Variants in NAALADL2 observed in about 807,000 individuals in gnomAD.
NAALADL2 encodes inactive N-acetylated-alpha-linked acidic dipeptidase-like protein 2.
NAALADL2 carries 76 observed loss-of-function variants against 87.2 expected under a neutral mutation model. The observed-to-expected ratio is 0.87, with a 90% CI of 0.72 to 1.05. NAALADL2 has a LOEUF of 1.05. Among genes scored for constraint, NAALADL2 ranks in the 50% least tolerant of loss-of-function variants. The pLI is 0.00. For synonymous variants in NAALADL2, 354 were observed against 331.0 expected (o/e 1.07, Z -0.75); for missense variants, 1,089 against 945.8 (o/e 1.15, Z -1.99).
chr3:174,928,393 C>A (rs935081072), intron 1 of NAALADL2, among the ~76,000 whole-genome samples: 2 of 152,128 alleles, frequency 1.3e-5, no homozygotes, highest in African/African-American at 4.8e-5. Context: ...GCACCTACCA[C>A]TATGCCCAGC....
intron 2 of NAALADL2, among the ~76,000 whole-genome samples, chr3:175,206,571 G>T (rs959576213): frequency 6.6e-6 from 1 of 151,612 alleles, no homozygotes; most frequent in African/African-American, 2.4e-5. Flanking sequence ...AGAGTGGGAG[G>T]GGGGCGAAGG....
intron 2 of NAALADL2, among the ~76,000 whole-genome samples, chr3:174,673,603 G>A (rs1726771687): frequency 1.3e-5 from 2 of 150,618 alleles, no homozygotes; most frequent in Admixed American, 1.3e-4. Flanking sequence ...CGGATCTCAT[G>A]GAGGTAGAGA....
chr3:174,616,213 A>T (rs1254167037), intron 2 of NAALADL2, among the ~76,000 whole-genome samples: 2 of 151,818 alleles, frequency 1.3e-5, no homozygotes, highest in Non-Finnish European at 2.9e-5. Context: ...AATAGATCAG[A>T]TAGGAAATAT....
intron 2 of NAALADL2, among the ~76,000 whole-genome samples, chr3:174,724,547 A>G (rs1732007144): frequency 6.6e-6 from 1 of 152,128 alleles, no homozygotes; most frequent in Non-Finnish European, 1.5e-5. Context: ...TTGAGTTTTG[A>G]AATAATACTC....
rs112083199 is a variant in NAALADL2, at chr3:175,773,887, A to G, written c.2189+18469A>G. On this transcript the variant is annotated intron_variant, in intron 13 of 13. Transcript: ENST00000454872. ...CACTGAATTTGAGACCATGAAGCCA[A>G]CTATATAGCCACTCTTCCCCCATAT... Among the ~76,000 whole-genome samples, 212 of 152,174 alleles carry G rather than the reference A, an allele frequency of 1.4e-3. 1 individual carries two copies. The highest frequency in any genetic ancestry group is 4.7e-3 in the African/African-American group (196 of 41,550).
chr3:174,757,323 T>A (rs1712235436), intron 3 of NAALADL2, among the ~76,000 whole-genome samples: 1 of 152,120 alleles, frequency 6.6e-6, no homozygotes, highest in African/African-American at 2.4e-5. Context: ...AGGTAGCCAA[T>A]GAGCAAGGCT....
At position 175,513,930 on chromosome 3, in the gene NAALADL2, A is replaced by G. The variant is rs1405012202; in HGVS notation, c.1653+42172A>G. Among the ~76,000 whole-genome samples, 6 of 152,228 alleles carry G rather than the reference A, an allele frequency of 3.9e-5. No individual in the cohort carries two copies. In the East Asian group the frequency reaches 1.2e-3, roughly 29 times the overall value. On this transcript the variant is annotated intron_variant, in intron 9 of 13. Coordinates refer to ENST00000454872, the MANE Select transcript of NAALADL2 (RefSeq NM_207015.3). Reference sequence around the variant, plus strand: ...GGGTGAGAGGATCAAAAATGTAAATATGGGAGACAAAGCTAGACATAAGAA... The same window carrying G: ...GGGTGAGAGGATCAAAAATGTAAATGTGGGAGACAAAGCTAGACATAAGAA...
chr3:175,178,865 G>T (rs1043658936), intron 2 of NAALADL2, among the ~76,000 whole-genome samples: 1 of 151,912 alleles, frequency 6.6e-6, no homozygotes, highest in Non-Finnish European at 1.5e-5. Context: ...ATTGTATTAG[G>T]CTAGCTCTAC....
chr3:174,694,697 C>T lies in NAALADL2; in HGVS notation c.-114-42944C>T, dbSNP rs182793399. Among the ~76,000 whole-genome samples the T allele has an allele frequency of 3.4e-4, 51 of 152,040 alleles. No homozygotes were observed. In the East Asian group the frequency reaches 9.3e-3, roughly 28 times the overall value. On this transcript the variant is annotated intron_variant, in intron 2 of 3. Transcript: ENST00000434257. The stretch of plus-strand genomic sequence containing the variant: ...TCTTTGAGCAAACTTTGAAGAGACT[C>T]TTTATACATGAGAATGGAGCAATAA...
At chr3:175,757,212 T>C (rs1251440369) in intron 13 of NAALADL2, among the ~76,000 whole-genome samples, 1 of 152,004 alleles carries the variant, frequency 6.6e-6, no homozygotes, top group African/African-American at 2.4e-5. Flanking sequence ...ACAAAGGTTA[T>C]AACTAGGACT....
intron 3 of NAALADL2, among the ~76,000 whole-genome samples, chr3:174,772,007 T>G (rs1015550346): frequency 2.6e-5 from 4 of 151,876 alleles, no homozygotes; most frequent in Non-Finnish European, 4.4e-5. Context: ...CAGACACATT[T>G]TTTTTGTCCC....
chr3:174,824,538 C>T (rs1721777532), intron 3 of NAALADL2, among the ~76,000 whole-genome samples: 1 of 152,134 alleles, frequency 6.6e-6, no homozygotes, highest in South Asian at 2.1e-4. Flanking sequence ...TACACATCTA[C>T]CTATAGGTAT....
intron 2 of NAALADL2, among the ~76,000 whole-genome samples, chr3:175,192,610 A>G (rs1458876739): frequency 6.6e-6 from 1 of 152,058 alleles, no homozygotes; most frequent in African/African-American, 2.4e-5. Context: ...AAAATTGTTA[A>G]TTAATTTTCT....
chr3:174,716,710 G>A (rs941093342), intron 2 of NAALADL2, among the ~76,000 whole-genome samples: 1 of 151,694 alleles, frequency 6.6e-6, no homozygotes, highest in African/African-American at 2.4e-5. Flanking sequence ...CTGGACATGT[G>A]TGTATATACA....
intron 2 of NAALADL2, among the ~76,000 whole-genome samples, chr3:174,713,012 T>C (rs1730822944): frequency 6.6e-6 from 1 of 152,008 alleles, no homozygotes; most frequent in Non-Finnish European, 1.5e-5. Context: ...GTGCAAGTGT[T>C]CTCATTTTTC....
At chr3:175,064,249 A>T (rs74692227) in intron 1 of NAALADL2, among the ~76,000 whole-genome samples, 1 of 112,220 alleles carries the variant, frequency 8.9e-6, no homozygotes, top group East Asian at 3.2e-4. Flanking sequence ...GAAAAGAAGA[A>T]AAAAAAAAAA....
chr3:175,652,538 G>A (rs1439410610), intron 11 of NAALADL2, among the ~76,000 whole-genome samples: 3 of 148,864 alleles, frequency 2.0e-5, no homozygotes, highest in Non-Finnish European at 4.4e-5. Context: ...GAGTGCAGTG[G>A]TGCCATCTCG....
intron 1 of NAALADL2, among the ~76,000 whole-genome samples, chr3:175,004,069 A>G (rs182819100): frequency 1.6e-3 from 242 of 152,274 alleles, no homozygotes; most frequent in African/African-American, 5.5e-3. Flanking sequence ...AGTGTACAGT[A>G]ACCTTTTAAT....
intron 2 of NAALADL2, among the ~76,000 whole-genome samples, chr3:174,715,271 G>GT (rs1223388432): frequency 6.6e-6 from 1 of 152,002 alleles, no homozygotes; most frequent in Non-Finnish European, 1.5e-5. Flanking sequence ...TTTACAACCA[G>GT]TTTATTTTAG....
Sources: gnomAD v4.1 joint callset for allele counts (sites outside exome capture counted in the v4.1 genomes callset) on GRCh38, gnomAD v4.1.1 for gene constraint, MANE v1.5 for transcripts, NCBI Gene and HGNC (gene_info 2026-07-23, HGNC 2026-07-21) for gene names.